The following ASMTL variants were observed in gnomAD, a reference collection of about 807,000 sequenced individuals.
The protein encoded by ASMTL is probable bifunctional dTTP/UTP pyrophosphatase/methyltransferase protein.
A neutral mutation model predicts 60.3 loss-of-function variants in ASMTL; 57 were observed. That is an observed-to-expected ratio of 0.95 (90% CI 0.76 to 1.18). The LOEUF is 1.18. ASMTL is among the 50% of genes most tolerant of loss of function. The probability of loss-of-function intolerance (pLI) is 0.00; values close to 1 mark genes in which losing one functional copy is unlikely to be tolerated. For synonymous variants in ASMTL, 419 were observed against 373.0 expected, an observed-to-expected ratio of 1.12 and a Z score of -1.42; for missense variants, 981 against 852.6, an observed-to-expected ratio of 1.15 and a Z score of -1.88.
chrX:1,436,154 T>C (rs1428005458), intron 3 of ASMTL, among the ~76,000 whole-genome samples: 2 of 152,304 alleles, frequency 1.3e-5, no homozygotes, highest in South Asian at 2.1e-4. Context: ...TCATCCATGT[T>C]GCAGCCTGTT....
chrX:1,431,185 A>G (rs1321839002), intron 6 of ASMTL, among the ~76,000 whole-genome samples: 2 of 125,672 alleles, frequency 1.6e-5, no homozygotes, highest in African/African-American at 6.2e-5. Flanking sequence ...GTTTATAATT[A>G]TATATAATTA....
At chrX:1,405,608 GGGTA>G (rs1195635643) in intron 12 of ASMTL, among the ~76,000 whole-genome samples, 1 of 150,414 alleles carries the variant, frequency 6.6e-6, no homozygotes, top group African/African-American at 2.5e-5. Flanking sequence ...GGTAGATGAT[GGGTA>G]GGTAGATAGA....
At chrX:1,411,699 C>A (rs1261830258) in intron 12 of ASMTL, among the ~76,000 whole-genome samples, 1 of 145,238 alleles carries the variant, frequency 6.9e-6, no homozygotes, top group East Asian at 2.0e-4. Context: ...CCCACGGCTT[C>A]CTCCTCTGCA....
At chrX:1,416,595 A>C (rs1354163826) in intron 11 of ASMTL, among the ~76,000 whole-genome samples, 1 of 115,790 alleles carries the variant, frequency 8.6e-6, no homozygotes, top group East Asian at 2.2e-4. Flanking sequence ...AGACATACAC[A>C]CATATACCCA....
chrX:1,407,837 T>C (rs2089923552), intron 12 of ASMTL, among the ~76,000 whole-genome samples: 1 of 150,010 alleles, frequency 6.7e-6, no homozygotes, highest in South Asian at 2.1e-4. Flanking sequence ...GAAACAGAGA[T>C]TGATGATGAT....
intron 11 of ASMTL, 103 bp downstream of exon 11, chrX:1,417,870 C>CG (rs1569532338): frequency 6.9e-7 from 1 of 1,448,066 alleles, no homozygotes; most frequent in African/African-American, 1.4e-5. Flanking sequence ...ACCATGGAAA[C>CG]GCCCAGGCAG....
chrX:1,419,992 C>G (rs2090431387), intron 9 of ASMTL, among the ~76,000 whole-genome samples: 1 of 151,868 alleles, frequency 6.6e-6, no homozygotes, highest in African/African-American at 2.4e-5. Flanking sequence ...TTCTCTCTCT[C>G]TGTTTCTGTC....
In ASMTL at chrX:1,432,310, G is replaced by C; in HGVS notation, c.468C>G (p.Ser156=). The C allele has an allele frequency of 1.2e-6, 2 of 1,612,708 alleles. No individual in the cohort carries two copies. The highest frequency in any genetic ancestry group is 1.7e-6 in the Non-Finnish European group (2 of 1,179,656). Residue 156 remains serine, a synonymous_variant, in exon 6 of 13, where the codon TCC becomes TCG. Coordinates refer to ENST00000381317, the MANE Select transcript of ASMTL (RefSeq NM_004192.4). ...GGACGTATTCCCAGAGCAGCTCCTC[G>C]GACAGCTCCGAGAACTTCACCTTCG... is the stretch of plus-strand genomic sequence containing the variant. ...EETKVKFSEL[S]EELLWEYVHS...
At chrX:1,434,884 C>T in intron 5 of ASMTL, 138 bp downstream of exon 5, 1 of 832,138 alleles carries the variant, frequency 1.2e-6, no homozygotes, top group Non-Finnish European at 2.0e-6. Flanking sequence ...GACAACTTTC[C>T]CAAGCAGGAC....
At chrX:1,450,845 C>G (rs1428033500) in intron 1 of ASMTL, among the ~76,000 whole-genome samples, 1 of 146,720 alleles carries the variant, frequency 6.8e-6, no homozygotes, top group East Asian at 2.0e-4. Context: ...GGATCACTCT[C>G]CCCTCCCCCA....
chrX:1,405,724 TATGGATGAG>T (rs2089802520), intron 12 of ASMTL, among the ~76,000 whole-genome samples: 1 of 134,098 alleles, frequency 7.5e-6, no homozygotes, highest in African/African-American at 3.1e-5. Context: ...TATATGGATG[TATGGATGAG>T]ATGGATGGAT....
At chrX:1,404,173 T>C (rs1271315244) in intron 12 of ASMTL, among the ~76,000 whole-genome samples, 2 of 150,672 alleles carry the variant, frequency 1.3e-5, no homozygotes, top group African/African-American at 4.9e-5. Context: ...CGTAGGTAGA[T>C]GGATGGATAG....
At chrX:1,425,423 G>A (rs1202107179) in intron 8 of ASMTL, 102 bp downstream of exon 8, 3 of 1,309,332 alleles carry the variant, frequency 2.3e-6, no homozygotes, top group Non-Finnish European at 3.2e-6. Flanking sequence ...GGGACAGAAG[G>A]TGTGGGCCTC....
chrX:1,412,453 G>C, intron 12 of ASMTL, among the ~76,000 whole-genome samples: 1 of 151,750 alleles, frequency 6.6e-6, no homozygotes, highest in South Asian at 2.1e-4. Context: ...GTCTCGAACT[G>C]CTCACCCCGG....
At position 1,411,960 on chromosome X, in the gene ASMTL, C is replaced by T. The variant is rs139754939; in HGVS notation, c.1645+772G>A. Among the ~76,000 whole-genome samples the T allele has an allele frequency of 1.7e-3, 263 of 151,652 alleles. 1 individual carries two copies. The highest frequency in any genetic ancestry group is 3.8e-3 in the African/African-American group (157 of 41,382). On this transcript the variant is annotated intron_variant, in intron 12 of 12. Transcript: ENST00000381317. Reference sequence around the variant, plus strand: ...CTGAGTAGCTGGGATTACAGGCACCCGCTATCAAGCCCGGCTTATTTTTTG... The same window carrying T: ...CTGAGTAGCTGGGATTACAGGCACCTGCTATCAAGCCCGGCTTATTTTTTG...
chrX:1,444,416 T>C (rs2091191083), intron 1 of ASMTL, among the ~76,000 whole-genome samples: 3 of 151,894 alleles, frequency 2.0e-5, no homozygotes, highest in South Asian at 4.2e-4. Flanking sequence ...ACCATGTTGG[T>C]CAGGCTGGTG....
At chrX:1,437,631 C>T (rs776409974) in intron 3 of ASMTL, among the ~76,000 whole-genome samples, 1 of 152,208 alleles carries the variant, frequency 6.6e-6, no homozygotes, top group African/African-American at 2.4e-5. Context: ...GGCGTGGTGG[C>T]TCACGCCTGT....
chrX:1,416,814 TGCACACAGATACAGATGG>T (rs1569532199), intron 11 of ASMTL, among the ~76,000 whole-genome samples: 2 of 141,662 alleles, frequency 1.4e-5, no homozygotes, highest in African/African-American at 5.3e-5. Context: ...ACACACACCA[TGCACACAGATACAGATGG>T]GCACACAGAC....
intron 11 of ASMTL, among the ~76,000 whole-genome samples, chrX:1,417,650 G>GAC (rs1289161567): frequency 2.7e-5 from 4 of 149,312 alleles, no homozygotes; most frequent in Non-Finnish European, 5.9e-5. Flanking sequence ...TACCCACACA[G>GAC]ACACACACAC....
Sources: gnomAD v4.1 joint callset for allele counts (sites outside exome capture counted in the v4.1 genomes callset) on GRCh38, gnomAD v4.1.1 for gene constraint, MANE v1.5 for transcripts, NCBI Gene and HGNC (gene_info 2026-07-23, HGNC 2026-07-21) for gene names.